Variants in LAMA1 observed in about 807,000 individuals in gnomAD.
The protein encoded by LAMA1 is laminin subunit alpha 1.
A neutral mutation model predicts 348.7 loss-of-function variants in LAMA1; 219 were observed. That is an observed-to-expected ratio of 0.63 (90% CI 0.56 to 0.70). LAMA1 has a LOEUF of 0.70. Among genes scored for constraint, LAMA1 ranks in the 30% least tolerant of loss-of-function variants. LAMA1 has a pLI of 0.00. For synonymous variants in LAMA1, 1,487 were observed against 1,491.0 expected (o/e 1.00, Z 0.06); for missense variants, 3,744 against 3,888.0 (o/e 0.96, Z 0.99).
intron 51 of LAMA1, 135 bp from the exon 52 acceptor site, chr18:6,962,194 G>A: frequency 1.4e-6 from 1 of 715,860 alleles, no homozygotes. Context: ...GGCTGAGGTA[G>A]AAGGATTACC....
chr18:7,065,115 C>A (rs1450079201), intron 3 of LAMA1, among the ~76,000 whole-genome samples: 9 of 151,838 alleles, frequency 5.9e-5, no homozygotes, highest in Non-Finnish European at 1.3e-4. Context: ...TGCCTGTAGT[C>A]CCAGCTACTC....
chr18:6,947,580 G>A (rs2057527812), intron 60 of LAMA1, among the ~76,000 whole-genome samples: 1 of 152,180 alleles, frequency 6.6e-6, no homozygotes, highest in Admixed American at 6.5e-5. Flanking sequence ...TCACCCTGTG[G>A]ACACGTCCTC....
intron 1 of LAMA1, among the ~76,000 whole-genome samples, chr18:7,110,895 C>T (rs1435201378): frequency 6.6e-6 from 1 of 151,758 alleles, no homozygotes; most frequent in Non-Finnish European, 1.5e-5. Flanking sequence ...CCCTCCCCCC[C>T]CCCACTTCTA....
chr18:6,980,934 A>C (rs916501603), intron 41 of LAMA1, among the ~76,000 whole-genome samples: 3 of 152,048 alleles, frequency 2.0e-5, no homozygotes, highest in Non-Finnish European at 4.4e-5. Flanking sequence ...CTCTACTAAA[A>C]ATAAAAATAA....
intron 42 of LAMA1, among the ~76,000 whole-genome samples, chr18:6,980,041 C>T (rs184876643): frequency 1.5e-3 from 226 of 152,258 alleles, no homozygotes; most frequent in African/African-American, 4.5e-3. Context: ...TTCATGAATA[C>T]CACATTTCTA....
At chr18:6,987,325 C>A (rs1290124450) in intron 36 of LAMA1, among the ~76,000 whole-genome samples, 1 of 152,112 alleles carries the variant, frequency 6.6e-6, no homozygotes, top group African/African-American at 2.4e-5. Flanking sequence ...TGAAAGAAAG[C>A]TATTCAGTGA....
chr18:6,950,424 C>T (rs910527970), intron 58 of LAMA1, among the ~76,000 whole-genome samples: 2 of 152,204 alleles, frequency 1.3e-5, no homozygotes, highest in Admixed American at 6.5e-5. Flanking sequence ...ACAGGTAAAG[C>T]GTGCTGCACA....
chr18:7,016,801 T>C (rs371544086), intron 20 of LAMA1, 130 bp from the exon 21 acceptor site: 1 of 825,418 alleles, frequency 1.2e-6, no homozygotes, highest in East Asian at 2.7e-5. Flanking sequence ...ACCATCCCCA[T>C]CCCTTTATAG....
chr18:6,975,224 C>T (rs974217681), intron 45 of LAMA1, among the ~76,000 whole-genome samples, 188 bp from the exon 46 acceptor site: 3 of 152,212 alleles, frequency 2.0e-5, no homozygotes, highest in Non-Finnish European at 4.4e-5. Flanking sequence ...GGGCATGACT[C>T]ACAGCCCCGG....
intron 1 of LAMA1, among the ~76,000 whole-genome samples, chr18:7,098,108 C>T (rs918128665): frequency 6.7e-6 from 1 of 149,206 alleles, no homozygotes; most frequent in African/African-American, 2.5e-5. Context: ...GCCTCAGCCT[C>T]CCGAGGTGCC....
intron 18 of LAMA1, 143 bp from the exon 19 acceptor site, chr18:7,023,518 T>G (rs1171472765): frequency 1.5e-5 from 11 of 745,932 alleles, no homozygotes; most frequent in Non-Finnish European, 2.3e-5. Context: ...GACTCCCCAC[T>G]CGGGCATTCC....
At chr18:7,082,136 A>C (rs1196584658) in intron 1 of LAMA1, among the ~76,000 whole-genome samples, 1 of 152,200 alleles carries the variant, frequency 6.6e-6, no homozygotes, top group Non-Finnish European at 1.5e-5. Flanking sequence ...TTTTTACATA[A>C]AACAGAACTA....
rs202100640 is a variant in LAMA1, at chr18:6,943,172, G to A, written c.9067+8C>T. 2.8e-4 allele frequency: 457 copies of A among 1,612,030 alleles called. 2 individuals carry two copies. The Middle Eastern group carries it at 3.3e-3, about 12-fold the overall frequency. ...CTTTTGAGTGGAAGAGCAGGTACCC[G>A]TACATACCAGGATAGCCACCAACAT... On this transcript the variant is annotated splice_region_variant and intron_variant, in intron 62 of 62. Transcript: ENST00000389658.
chr18:7,055,738 C>T, intron 3 of LAMA1, among the ~76,000 whole-genome samples: 1 of 152,134 alleles, frequency 6.6e-6, no homozygotes, highest in Middle Eastern at 3.2e-3. Flanking sequence ...TATCTCTGAG[C>T]ATGAGCTACT....
intron 6 of LAMA1, among the ~76,000 whole-genome samples, chr18:7,045,849 A>G (rs1261176508): frequency 6.6e-6 from 1 of 152,084 alleles, no homozygotes; most frequent in Non-Finnish European, 1.5e-5. Flanking sequence ...GTAAGCCACC[A>G]TGCCCCTTTT....
At chr18:7,039,561 AAT>A (rs1249921937) in intron 10 of LAMA1, among the ~76,000 whole-genome samples, 1 of 152,250 alleles carries the variant, frequency 6.6e-6, no homozygotes, top group East Asian at 1.9e-4. Flanking sequence ...GCTGGAAAAG[AAT>A]ACCATAGAAT....
chr18:6,966,615 A>G (rs2057634436), intron 48 of LAMA1, among the ~76,000 whole-genome samples: 1 of 152,208 alleles, frequency 6.6e-6, no homozygotes, highest in African/African-American at 2.4e-5. Flanking sequence ...CTCCTTTAAT[A>G]TAACTGTCCT....
At chr18:7,042,067 C>T (rs2058022726) in intron 9 of LAMA1, 78 bp downstream of exon 9, 1 of 937,346 alleles carries the variant, frequency 1.1e-6, no homozygotes, top group Non-Finnish European at 1.7e-6. Flanking sequence ...CTGGCTATTA[C>T]CATTAGTTCC....
intron 1 of LAMA1, 78 bp downstream of exon 1, chr18:7,117,582 G>A: frequency 1.4e-6 from 2 of 1,475,372 alleles, no homozygotes; most frequent in Non-Finnish European, 1.8e-6. Flanking sequence ...CAGCCCCAAC[G>A]CGACGGGCTT....
Sources: allele counts gnomAD v4.1 joint callset (sites outside exome capture counted in the v4.1 genomes callset), GRCh38; gene constraint gnomAD v4.1.1; transcripts MANE v1.5; gene names NCBI Gene and HGNC (gene_info 2026-07-23, HGNC 2026-07-21).